The following RAB3IL1 variants were observed in gnomAD, a reference collection of about 807,000 sequenced individuals.
RAB3IL1 encodes RAB3A interacting protein like 1, also known as guanine nucleotide exchange factor for Rab-3A.
In RAB3IL1, 37 loss-of-function variants were observed where a neutral mutation model predicts 49.2. The observed-to-expected ratio is 0.75, with a 90% CI of 0.58 to 0.99. The LOEUF (loss-of-function observed/expected upper bound fraction) is 0.99. Among genes scored for constraint, RAB3IL1 ranks in the 50% least tolerant of loss-of-function variants. The pLI, the probability that RAB3IL1 is intolerant of heterozygous loss-of-function variation, is 0.00. For synonymous variants in RAB3IL1, 193 were observed against 213.9 expected (o/e 0.90, Z 0.85); for missense variants, 484 against 513.0 (o/e 0.94, Z 0.55).
At chr11:61,942,362 T>C in the RAB3IL1 span, among the ~76,000 whole-genome samples, 1 of 152,166 alleles carries the variant, frequency 6.6e-6, no homozygotes, top group Non-Finnish European at 1.5e-5. Flanking sequence ...CCAGAGACCT[T>C]TGTTCACTTG....
the RAB3IL1 span, among the ~76,000 whole-genome samples, chr11:61,940,859 G>T: frequency 6.6e-6 from 1 of 152,030 alleles, no homozygotes; most frequent in Non-Finnish European, 1.5e-5. Flanking sequence ...GGTGGAGGTT[G>T]CAGTGAGCCG....
upstream of RAB3IL1, among the ~76,000 whole-genome samples, chr11:61,919,191 G>C (rs1939830101): frequency 6.6e-6 from 1 of 152,246 alleles, no homozygotes; most frequent in Non-Finnish European, 1.5e-5. Flanking sequence ...ACCCAGACCA[G>C]TGGGAGATAA....
chr11:61,917,296 C>A (rs983035610), intron 1 of RAB3IL1, 61 bp downstream of exon 1: 8 of 1,354,012 alleles, frequency 5.9e-6, no homozygotes, highest in Non-Finnish European at 6.7e-6. Context: ...GAAATCCTCC[C>A]GTCCCGGGAG....
the RAB3IL1 span, among the ~76,000 whole-genome samples, chr11:61,929,049 T>C: frequency 2.6e-5 from 4 of 152,240 alleles, no homozygotes; most frequent in African/African-American, 9.6e-5. Context: ...TACATTATAG[T>C]TGTACATATT....
intron 1 of RAB3IL1, among the ~76,000 whole-genome samples, chr11:61,913,401 C>T (rs1282282810): frequency 2.0e-5 from 3 of 152,070 alleles, no homozygotes; most frequent in African/African-American, 7.2e-5. Context: ...AACAGCATGT[C>T]CTAGTAGAGA....
intron 1 of RAB3IL1, among the ~76,000 whole-genome samples, chr11:61,908,719 C>T (rs1939331316): frequency 1.3e-5 from 2 of 152,212 alleles, no homozygotes; most frequent in African/African-American, 2.4e-5. Flanking sequence ...GTGGGTAAAA[C>T]CTTGACACCT....
upstream of RAB3IL1, chr11:61,920,159 CG>C: frequency 1.5e-6 from 2 of 1,326,290 alleles, no homozygotes; most frequent in Non-Finnish European, 9.7e-7. Context: ...GTCCCTCGGG[CG>C]GGGCACCCAG....
At chr11:61,902,814 G>T (rs889537703) in intron 7 of RAB3IL1, among the ~76,000 whole-genome samples, 1 of 152,182 alleles carries the variant, frequency 6.6e-6, no homozygotes, top group Non-Finnish European at 1.5e-5. Flanking sequence ...CTCATGCCAG[G>T]TGTACAAAGT....
intron 1 of RAB3IL1, among the ~76,000 whole-genome samples, chr11:61,911,183 C>G (rs1939439133): frequency 6.6e-6 from 1 of 152,212 alleles, no homozygotes; most frequent in Non-Finnish European, 1.5e-5. Flanking sequence ...GTGACAGAGT[C>G]TGTGACATCC....
chr11:61,944,005 G>A, the RAB3IL1 span, among the ~76,000 whole-genome samples: 13 of 152,280 alleles, frequency 8.5e-5, no homozygotes, highest in African/African-American at 3.1e-4. Flanking sequence ...CTTTTGAATT[G>A]TAAGCAATAG....
At chr11:61,929,970 G>C in the RAB3IL1 span, among the ~76,000 whole-genome samples, 4 of 131,306 alleles carry the variant, frequency 3.0e-5, no homozygotes. Context: ...TCGGCTCGCT[G>C]CAACCTTTGC....
Position 61,902,545 on chromosome 11 carries a change from G to A in RAB3IL1, c.900-4C>T, listed in dbSNP as rs1231059532. 3 of 1,594,472 alleles carry A rather than the reference G, an allele frequency of 1.9e-6. No homozygotes were observed. The highest frequency in any genetic ancestry group is 2.3e-5 in the East Asian group (1 of 44,136). On this transcript the variant is annotated splice_polypyrimidine_tract_variant and splice_region_variant and intron_variant, in intron 7 of 9. Transcript: ENST00000394836. ...CAGCCCGCTCAGGGCACATGTGCTA[G>A]GGGAAAGCAAAATGGGTCACGGGGG...
intron 8 of RAB3IL1, chr11:61,899,626 T>A: frequency 2.0e-6 from 1 of 490,154 alleles, no homozygotes; most frequent in Non-Finnish European, 3.7e-6. Context: ...GACGCGCTTA[T>A]TATTCCATCT....
chr11:61,936,814 T>A, the RAB3IL1 span, among the ~76,000 whole-genome samples: 66 of 152,330 alleles, frequency 4.3e-4, 2 homozygotes, highest in Non-Finnish European at 2.1e-4. Flanking sequence ...TTTCTATATC[T>A]ATCTATATAT....
chr11:61,917,681 G>A (rs1259700793), upstream of RAB3IL1: 5 of 578,080 alleles, frequency 8.6e-6, no homozygotes, highest in East Asian at 4.4e-4. Context: ...CCGCCGCGCC[G>A]GGACAGGGAG....
intron 1 of RAB3IL1, among the ~76,000 whole-genome samples, chr11:61,913,378 G>A (rs542859393): frequency 9.2e-5 from 14 of 152,298 alleles, no homozygotes; most frequent in Non-Finnish European, 1.8e-4. Context: ...AGCCAGAGTA[G>A]GGAGAAGGGC....
At chr11:61,940,290 A>T in the RAB3IL1 span, among the ~76,000 whole-genome samples, 1 of 151,504 alleles carries the variant, frequency 6.6e-6, no homozygotes, top group Non-Finnish European at 1.5e-5. Context: ...AAAAATACAA[A>T]ATTAGCCAGG....
chr11:61,910,731 T>C (rs1001410822), intron 1 of RAB3IL1, among the ~76,000 whole-genome samples: 6 of 152,122 alleles, frequency 3.9e-5, no homozygotes, highest in African/African-American at 1.2e-4. Flanking sequence ...AACAAGGGTA[T>C]TGAGAGCCCT....
the RAB3IL1 span, among the ~76,000 whole-genome samples, chr11:61,932,906 G>A: frequency 1.3e-5 from 2 of 151,732 alleles, no homozygotes; most frequent in African/African-American, 4.8e-5. Context: ...GAGTATCTAG[G>A]ATTACAGGCT....
Sources: gnomAD v4.1 joint callset for allele counts (sites outside exome capture counted in the v4.1 genomes callset) on GRCh38, gnomAD v4.1.1 for gene constraint, MANE v1.5 for transcripts, NCBI Gene and HGNC (gene_info 2026-07-23, HGNC 2026-07-21) for gene names.